The following PPM1B variants were observed in gnomAD, a reference collection of about 807,000 sequenced individuals.
PPM1B encodes protein phosphatase 1B.
In PPM1B, 22 loss-of-function variants were observed where a neutral mutation model predicts 43.0. The observed-to-expected ratio is 0.51, with a 90% CI of 0.37 to 0.73. The LOEUF (loss-of-function observed/expected upper bound fraction) is 0.73, where lower values mean the gene tolerates loss of function less well. PPM1B is among the 30% of genes least tolerant of loss of function. The pLI, the probability that PPM1B is intolerant of heterozygous loss-of-function variation, is 0.00. For missense variants in PPM1B, 632 were observed against 584.2 expected, an observed-to-expected ratio of 1.08 and a Z score of -0.84; for synonymous variants, 217 against 197.9, an observed-to-expected ratio of 1.10 and a Z score of -0.81.
At chr2:44,226,472 T>C (rs1670214563) in intron 5 of PPM1B, among the ~76,000 whole-genome samples, 1 of 152,146 alleles carries the variant, frequency 6.6e-6, no homozygotes, top group African/African-American at 2.4e-5. Flanking sequence ...CACCTCCAAA[T>C]TGAGTCATGC....
At chr2:44,178,089 TG>T (rs1667673960) in intron 1 of PPM1B, among the ~76,000 whole-genome samples, 1 of 151,952 alleles carries the variant, frequency 6.6e-6, no homozygotes, top group East Asian at 1.9e-4. Context: ...GGCTAATTTT[TG>T]TGTTTTTTTT....
intron 1 of PPM1B, among the ~76,000 whole-genome samples, chr2:44,173,324 T>C (rs148441804): frequency 6.6e-6 from 1 of 152,268 alleles, no homozygotes; most frequent in Admixed American, 6.5e-5. Context: ...ATTTTGAGAT[T>C]TAGTTTTTAG....
At chr2:44,202,283 T>C (rs902142626) in intron 2 of PPM1B, among the ~76,000 whole-genome samples, 3 of 152,218 alleles carry the variant, frequency 2.0e-5, no homozygotes, top group African/African-American at 7.2e-5. Flanking sequence ...AAGTACTTCA[T>C]AGCTTGTTGC....
intron 1 of PPM1B, among the ~76,000 whole-genome samples, chr2:44,193,865 C>T (rs1195681679): frequency 6.6e-6 from 1 of 152,094 alleles, no homozygotes; most frequent in Non-Finnish European, 1.5e-5. Context: ...AGGCGTGAGC[C>T]ACTGTGCCCA....
chr2:44,199,437 G>A (rs1037137768), intron 1 of PPM1B, among the ~76,000 whole-genome samples: 4 of 152,114 alleles, frequency 2.6e-5, no homozygotes, highest in Non-Finnish European at 4.4e-5. Flanking sequence ...GTTACAGTGA[G>A]ATGGCACCAT....
chr2:44,174,536 A>G (rs1178865880), intron 1 of PPM1B, among the ~76,000 whole-genome samples: 2 of 152,262 alleles, frequency 1.3e-5, no homozygotes, highest in South Asian at 2.1e-4. Context: ...CTTGTCTTTT[A>G]TAGAAAACTT....
chr2:44,244,370 C>T, exon 6 of PPM1B: 3 of 1,353,042 alleles, frequency 2.2e-6, no homozygotes, highest in Non-Finnish European at 3.0e-6. Flanking sequence ...ATAAACCCAG[C>T]ATTATATAAT....
At chr2:44,203,451 A>T (rs1208922591) in intron 2 of PPM1B, among the ~76,000 whole-genome samples, 1 of 139,884 alleles carries the variant, frequency 7.1e-6, no homozygotes, top group Admixed American at 8.0e-5. Context: ...CTAGCTAATG[A>T]AAACAGCATT....
chr2:44,244,685 G>C (rs1028346490), downstream of PPM1B, among the ~76,000 whole-genome samples: 2 of 151,308 alleles, frequency 1.3e-5, no homozygotes, highest in African/African-American at 4.9e-5. Flanking sequence ...AGGAGGTGGT[G>C]TGCATAGTTA....
chr2:44,215,685 T>C (rs1347427202), intron 3 of PPM1B, among the ~76,000 whole-genome samples: 1 of 152,220 alleles, frequency 6.6e-6, no homozygotes, highest in Non-Finnish European at 1.5e-5. Context: ...TGATGAATTA[T>C]ATATTTAATG....
chr2:44,209,216 C>A lies in PPM1B; in HGVS notation c.853C>A (p.Arg285=). Residue 285 remains arginine (R), a synonymous_variant, in exon 3 of 6, where the codon CGA becomes AGA. Coordinates refer to ENST00000282412, the MANE Select transcript of PPM1B (RefSeq NM_002706.6). ...VVDTCLHKGS[R]DNMSIVLVCF... ...TTTTTTCTTTAATACACAGGGAAGT[C>A]GAGATAACATGAGTATTGTACTAGT... 1.9e-6 allele frequency: 3 copies of A among 1,587,368 alleles called. No individual in the cohort carries two copies. The highest frequency in any genetic ancestry group is 2.3e-5 in the South Asian group (2 of 86,222).
chr2:44,236,903 CATTTT>C (rs372517302), downstream of PPM1B, among the ~76,000 whole-genome samples: 316 of 152,304 alleles, frequency 2.1e-3, no homozygotes, highest in African/African-American at 7.3e-3. Flanking sequence ...TTGTGGAACA[CATTTT>C]GTTTTGAGAA....
At chr2:44,232,506 G>A (rs891344494), downstream of PPM1B, 3 of 1,474,954 alleles carry the variant, frequency 2.0e-6, no homozygotes, top group African/African-American at 2.8e-5. Flanking sequence ...GTTCATATTT[G>A]TGTTTTCTGA....
downstream of PPM1B, chr2:44,234,596 A>T: frequency 1.0e-6 from 1 of 985,264 alleles, no homozygotes; most frequent in Non-Finnish European, 1.2e-6. Flanking sequence ...AACAGAAATA[A>T]TGTATGAGTT....
rs2104175468 is a variant in PPM1B, at chr2:44,209,412, A to G, written c.964+85A>G. On this transcript the variant is annotated intron_variant, in intron 3 of 5. Coordinates refer to ENST00000282412, the MANE Select transcript of PPM1B (RefSeq NM_002706.6). ...TCCTAGCACTTTTGTCGCCTGGGCG[A>G]CACACCAAGGCTCTGTCTCAAAAAA... 9.1e-6 allele frequency: 13 copies of G among 1,433,926 alleles called. No individual in the cohort carries two copies. In the South Asian group the frequency reaches 1.6e-4, roughly 18 times the overall value. The allele number at this position is 1,433,926 out of a possible 1,614,324, so 88.8% of individuals were successfully genotyped here. A position where few individuals can be genotyped will look rare whatever the true frequency, so the allele number is the denominator to read the frequency against.
Position 44,213,013 on chromosome 2 carries a change from CAAAAAA to C in PPM1B, c.964+3701_964+3706del, listed in dbSNP as rs57091283. 4.8e-3 allele frequency among the ~76,000 whole-genome samples: 311 copies of C among 65,328 alleles called. 1 individual carries two copies. Among genetic ancestry groups the C allele is most frequent in the Middle Eastern group, 0.018 (2 of 110 alleles). The allele number at this position is 65,328 out of a possible 152,430, so 42.9% of individuals were successfully genotyped here. A position where few individuals can be genotyped will look rare whatever the true frequency, so the allele number is the denominator to read the frequency against. The stretch of plus-strand genomic sequence containing the variant: ...GGGCGACAGAGCAAGACTCCGTTTC[CAAAAAA>C]AAAAAAAAAAAAAATTCCATTTAGT... On this transcript the variant is annotated intron_variant, in intron 3 of 5. Coordinates refer to ENST00000282412, the MANE Select transcript of PPM1B (RefSeq NM_002706.6).
chr2:44,227,904 T>G (rs546213144), intron 5 of PPM1B, among the ~76,000 whole-genome samples: 63 of 145,606 alleles, frequency 4.3e-4, no homozygotes, highest in Middle Eastern at 7.0e-3. Context: ...ACAAGCACTT[T>G]TTTTTTCTTT....
intron 1 of PPM1B, among the ~76,000 whole-genome samples, chr2:44,173,272 G>A (rs1667436242): frequency 6.6e-6 from 1 of 152,238 alleles, no homozygotes; most frequent in South Asian, 2.1e-4. Context: ...TTTTCCAAAA[G>A]TGTAATCTAT....
downstream of PPM1B, chr2:44,234,669 A>G (rs183558395): frequency 1.4e-4 from 139 of 975,840 alleles, no homozygotes; most frequent in African/African-American, 2.2e-3. Flanking sequence ...GCTATTCTCA[A>G]GTATTTTGGT....
Sources: gnomAD v4.1 joint callset for allele counts (sites outside exome capture counted in the v4.1 genomes callset) on GRCh38, gnomAD v4.1.1 for gene constraint, MANE v1.5 for transcripts, NCBI Gene and HGNC (gene_info 2026-07-23, HGNC 2026-07-21) for gene names.